The following NAF1 variants were observed in gnomAD, a reference collection of about 807,000 sequenced individuals.
NAF1 encodes the protein nuclear assembly factor 1 ribonucleoprotein.
A neutral mutation model predicts 40.6 loss-of-function variants in NAF1; 11 were observed. That is an observed-to-expected ratio of 0.27 (90% CI 0.17 to 0.45). The LOEUF is 0.45. Among genes scored for constraint, NAF1 ranks in the 20% least tolerant of loss-of-function variants. The probability of loss-of-function intolerance (pLI) is 1.00; values close to 1 mark genes in which losing one functional copy is unlikely to be tolerated. For synonymous variants in NAF1, 260 were observed against 228.5 expected (o/e 1.14, Z -1.24); for missense variants, 607 against 611.1 (o/e 0.99, Z 0.07).
At chr4:163,113,843 T>C (rs1215446561) in intron 2 of NAF1, among the ~76,000 whole-genome samples, 2 of 152,216 alleles carry the variant, frequency 1.3e-5, no homozygotes, top group Non-Finnish European at 1.5e-5. Flanking sequence ...TGTTTAGTTA[T>C]TGCATGCCAT....
intron 2 of NAF1, among the ~76,000 whole-genome samples, chr4:163,110,551 A>C (rs1458609737): frequency 3.9e-5 from 6 of 152,138 alleles, no homozygotes; most frequent in African/African-American, 1.4e-4. Flanking sequence ...AGGGGGAGCT[A>C]CTGTATCATC....
rs1732497390 is a variant in NAF1 at position 163,166,752 on chromosome 4, G to A, written c.-25C>T. 1 of 1,612,436 alleles carries A rather than the reference G, an allele frequency of 6.2e-7. No homozygotes were observed. The highest frequency in any genetic ancestry group is 8.5e-7 in the Non-Finnish European group (1 of 1,179,594). On this transcript the variant is annotated 5_prime_UTR_variant, in exon 1 of 8. Transcript: ENST00000274054. Reference sequence around the variant, plus strand: ...TCGCACCGCGCCAGAAACCGGGTCGGCCTCAGGATTGGGGCCCCTGGACAA... The same window carrying A: ...TCGCACCGCGCCAGAAACCGGGTCGACCTCAGGATTGGGGCCCCTGGACAA...
intron 2 of NAF1, among the ~76,000 whole-genome samples, chr4:163,115,332 C>A (rs1730300453): frequency 6.6e-6 from 1 of 151,686 alleles, no homozygotes; most frequent in Non-Finnish European, 1.5e-5. Context: ...CCTCAGCCTC[C>A]CGAGTAGCTG....
At chr4:163,127,219 T>G, downstream of NAF1, 1 of 1,369,924 alleles carries the variant, frequency 7.3e-7, no homozygotes. Flanking sequence ...AACCTCTGCC[T>G]CCCAGGTTCA....
At chr4:163,110,124 T>G in exon 3 of NAF1, 1 of 526,622 alleles carries the variant, frequency 1.9e-6, no homozygotes, top group Admixed American at 3.6e-5. Flanking sequence ...AATCTGTGGG[T>G]TGCCATGAGG....
At chr4:163,126,901 CA>C, downstream of NAF1, 1 of 1,473,716 alleles carries the variant, frequency 6.8e-7, no homozygotes. Context: ...ACTGCAGGCT[CA>C]AAGGGTCATT....
chr4:163,147,723 C>T (rs190281188), intron 3 of NAF1, among the ~76,000 whole-genome samples: 7 of 152,138 alleles, frequency 4.6e-5, no homozygotes, highest in South Asian at 2.1e-4. Context: ...TTAAGGACCA[C>T]GAGATAGGGG....
At chr4:163,115,271 C>T (rs1203793995) in intron 2 of NAF1, among the ~76,000 whole-genome samples, 1 of 143,644 alleles carries the variant, frequency 7.0e-6, no homozygotes, top group African/African-American at 2.6e-5. Context: ...TGCAGTGGCG[C>T]CATCTCGGCT....
intron 2 of NAF1, among the ~76,000 whole-genome samples, chr4:163,149,985 T>A (rs1369782220): frequency 6.6e-6 from 1 of 152,058 alleles, no homozygotes; most frequent in Non-Finnish European, 1.5e-5. Context: ...GCAAATGTCA[T>A]TTGCTAATCC....
intron 2 of NAF1, among the ~76,000 whole-genome samples, chr4:163,162,739 C>A (rs562599877): frequency 6.6e-5 from 10 of 152,136 alleles, no homozygotes; most frequent in Non-Finnish European, 1.3e-4. Flanking sequence ...ATATAAAATG[C>A]CTATTCACAC....
At chr4:163,127,193 G>C (rs1730685893), downstream of NAF1, 1 of 1,457,168 alleles carries the variant, frequency 6.9e-7, no homozygotes, top group East Asian at 2.7e-5. Context: ...GCAATGGTGT[G>C]ATCTCAGCTC....
chr4:163,164,148 T>G (rs1420762817), intron 2 of NAF1, 69 bp downstream of exon 2: 1 of 1,379,310 alleles, frequency 7.3e-7, no homozygotes, highest in African/African-American at 1.5e-5. Context: ...TAGGCAAAAT[T>G]AGATCAATAC....
intron 2 of NAF1, among the ~76,000 whole-genome samples, chr4:163,149,452 CAG>C (rs754655560): frequency 5.3e-5 from 8 of 152,116 alleles, no homozygotes. Flanking sequence ...ATCATTCAAC[CAG>C]AGTTGATAAG....
At chr4:163,128,504 T>A (rs1579136627), downstream of NAF1, among the ~76,000 whole-genome samples, 3 of 152,028 alleles carry the variant, frequency 2.0e-5, no homozygotes, top group South Asian at 2.1e-4. Context: ...AAAAATAGTT[T>A]AAAGACTCTC....
At chr4:163,165,895 T>A (rs1732437927) in intron 1 of NAF1, among the ~76,000 whole-genome samples, 1 of 151,630 alleles carries the variant, frequency 6.6e-6, no homozygotes, top group Admixed American at 6.6e-5. Flanking sequence ...AACGTAATCA[T>A]CAAGAGCCAG....
At chr4:163,110,234 T>G (rs1248980895) in exon 3 of NAF1, 2 of 698,540 alleles carry the variant, frequency 2.9e-6, no homozygotes, top group African/African-American at 1.8e-5. Context: ...TACAGTACTC[T>G]CCCCTCATCT....
intron 2 of NAF1, among the ~76,000 whole-genome samples, chr4:163,150,195 T>C (rs1016686227): frequency 2.0e-5 from 3 of 152,296 alleles, no homozygotes; most frequent in South Asian, 4.1e-4. Context: ...ATAATAGTTA[T>C]GCTTTGATAT....
intron 3 of NAF1, 33 bp from the exon 4 acceptor site, chr4:163,145,897 C>A: frequency 9.7e-7 from 1 of 1,026,676 alleles, no homozygotes; most frequent in Non-Finnish European, 1.4e-6. Flanking sequence ...TCAAGATTTA[C>A]TTATAAGAGA....
intron 2 of NAF1, among the ~76,000 whole-genome samples, chr4:163,150,368 C>A (rs1443027969): frequency 6.6e-6 from 1 of 152,168 alleles, no homozygotes; most frequent in African/African-American, 2.4e-5. Context: ...CAGTGCCAAG[C>A]CCCATAGACA....
Sources: gnomAD v4.1 joint callset for allele counts (sites outside exome capture counted in the v4.1 genomes callset) on GRCh38, gnomAD v4.1.1 for gene constraint, MANE v1.5 for transcripts, NCBI Gene and HGNC (gene_info 2026-07-23, HGNC 2026-07-21) for gene names.